PRKCH: variants seen among roughly 807,000 people sequenced by gnomAD.
The protein encoded by PRKCH is protein kinase C eta type.
A neutral mutation model predicts 82.5 loss-of-function variants in PRKCH; 28 were observed. The observed-to-expected ratio is 0.34, with a 90% CI of 0.25 to 0.47. PRKCH has a LOEUF of 0.47. Among genes scored for constraint, PRKCH ranks in the 20% least tolerant of loss-of-function variants. The pLI is 1.00. For missense variants in PRKCH, 705 were observed against 881.8 expected (o/e 0.80, Z 2.54); for synonymous variants, 322 against 327.4 (o/e 0.98, Z 0.18).
chr14:61,429,818 G>A (rs1213613547), intron 2 of PRKCH, among the ~76,000 whole-genome samples: 2 of 152,144 alleles, frequency 1.3e-5, no homozygotes, highest in African/African-American at 4.8e-5. Flanking sequence ...TATTCAGCTA[G>A]AGACGGTATA....
At chr14:61,256,929 G>A (rs971460575) in intron 1 of PRKCH, among the ~76,000 whole-genome samples, 3 of 152,132 alleles carry the variant, frequency 2.0e-5, no homozygotes, top group South Asian at 2.1e-4. Flanking sequence ...TCTCCAAAGT[G>A]GGATAAACCA....
intron 1 of PRKCH, among the ~76,000 whole-genome samples, chr14:61,291,331 T>C (rs924014998): frequency 3.4e-5 from 3 of 89,422 alleles, no homozygotes; most frequent in African/African-American, 1.7e-4. Flanking sequence ...TTCTTTTTTT[T>C]TTTTTTTTTT....
intron 1 of PRKCH, among the ~76,000 whole-genome samples, chr14:61,343,463 A>G (rs2045954497): frequency 6.6e-6 from 1 of 152,004 alleles, no homozygotes; most frequent in South Asian, 2.1e-4. Flanking sequence ...ACTGGACTCT[A>G]AGGAAATGAG....
chr14:61,535,427 G>A (rs1022818749), intron 12 of PRKCH, among the ~76,000 whole-genome samples: 1 of 152,228 alleles, frequency 6.6e-6, no homozygotes. Flanking sequence ...GGCCACCAAA[G>A]GAGGCCATCT....
chr14:61,519,433 C>G (rs1198238189), intron 10 of PRKCH, among the ~76,000 whole-genome samples: 1 of 152,086 alleles, frequency 6.6e-6, no homozygotes, highest in Non-Finnish European at 1.5e-5. Flanking sequence ...GTGAAGTAAC[C>G]AGATTCAAAT....
chr14:61,432,900 T>C (rs1883476618), intron 2 of PRKCH, among the ~76,000 whole-genome samples: 1 of 94,260 alleles, frequency 1.1e-5, no homozygotes, highest in Admixed American at 1.4e-4. Flanking sequence ...TTTTTTCCTT[T>C]ATTTCTTCTT....
At chr14:61,530,227 G>A (rs2043027918) in intron 11 of PRKCH, among the ~76,000 whole-genome samples, 180 bp from the exon 12 acceptor site, 1 of 152,166 alleles carries the variant, frequency 6.6e-6, no homozygotes, top group Non-Finnish European at 1.5e-5. Context: ...AGGCACCTCT[G>A]AGTTGACCAC....
At chr14:61,196,802 A>G (rs1271516632) in intron 1 of PRKCH, among the ~76,000 whole-genome samples, 1 of 152,184 alleles carries the variant, frequency 6.6e-6, no homozygotes, top group Admixed American at 6.5e-5. Context: ...ACTCCCAGGG[A>G]CATTTAAACT....
At chr14:61,412,858 A>C (rs761086706) in intron 2 of PRKCH, among the ~76,000 whole-genome samples, 2 of 151,810 alleles carry the variant, frequency 1.3e-5, no homozygotes, top group Non-Finnish European at 2.9e-5. Flanking sequence ...CAGTGTGGCC[A>C]TCTCTTTTCT....
chr14:61,390,806 G>A (rs1431205934), intron 1 of PRKCH: 1 of 157,586 alleles, frequency 6.3e-6, no homozygotes, highest in African/African-American at 2.4e-5. Flanking sequence ...CTAAAGATTT[G>A]CAGTTGACCA....
At chr14:61,367,526 T>C (rs2046312130) in intron 1 of PRKCH, among the ~76,000 whole-genome samples, 1 of 151,834 alleles carries the variant, frequency 6.6e-6, no homozygotes, top group African/African-American at 2.4e-5. Flanking sequence ...AGGTAGGTGC[T>C]CAATAAATGT....
chr14:61,332,441 G>A (rs2045802110), intron 1 of PRKCH, among the ~76,000 whole-genome samples: 1 of 152,154 alleles, frequency 6.6e-6, no homozygotes, highest in Admixed American at 6.5e-5. Flanking sequence ...CCACTTAATA[G>A]GAAGCTTACC....
chr14:61,335,592 C>T (rs2045846718), intron 1 of PRKCH, among the ~76,000 whole-genome samples: 1 of 152,152 alleles, frequency 6.6e-6, no homozygotes, highest in African/African-American at 2.4e-5. Context: ...CACAACCCCC[C>T]CATCTGCCAA....
intron 1 of PRKCH, among the ~76,000 whole-genome samples, chr14:61,343,938 C>G (rs1264321628): frequency 1.3e-5 from 2 of 152,206 alleles, no homozygotes; most frequent in African/African-American, 4.8e-5. Flanking sequence ...CATGTTTATG[C>G]TGCACAAGGC....
intron 2 of PRKCH, among the ~76,000 whole-genome samples, chr14:61,402,046 A>G (rs192354358): frequency 1.2e-4 from 19 of 152,374 alleles, no homozygotes; most frequent in Non-Finnish European, 2.1e-4. Flanking sequence ...TGGAAAGTTT[A>G]TATCCACCAT....
intron 10 of PRKCH, chr14:61,492,419 C>T (rs1220455093): frequency 6.6e-6 from 1 of 152,200 alleles, no homozygotes; most frequent in African/African-American, 2.4e-5. Flanking sequence ...TTATCTTTTA[C>T]AGATGAGGGA....
At chr14:61,226,270 A>G (rs914150362) in intron 1 of PRKCH, among the ~76,000 whole-genome samples, 3 of 152,232 alleles carry the variant, frequency 2.0e-5, no homozygotes, top group Admixed American at 6.5e-5. Context: ...TCTAAGTGTC[A>G]GCACTACCTT....
At chr14:61,429,550 G>T (rs553443593) in intron 2 of PRKCH, among the ~76,000 whole-genome samples, 2 of 152,300 alleles carry the variant, frequency 1.3e-5, no homozygotes, top group South Asian at 4.1e-4. Context: ...TGTTTTCAGG[G>T]CCTCAGGGAA....
At chr14:61,221,738 G>C (rs2044657453) in intron 1 of PRKCH, among the ~76,000 whole-genome samples, 1 of 152,070 alleles carries the variant, frequency 6.6e-6, no homozygotes. Context: ...CTCCACCCAA[G>C]TCAGGCCCTC....
Sources: gnomAD v4.1 joint callset for allele counts (sites outside exome capture counted in the v4.1 genomes callset) on GRCh38, gnomAD v4.1.1 for gene constraint, MANE v1.5 for transcripts, NCBI Gene and HGNC (gene_info 2026-07-23, HGNC 2026-07-21) for gene names.